The following SGCD variants were observed in gnomAD, a reference collection of about 807,000 sequenced individuals.
SGCD encodes sarcoglycan delta.
SGCD carries 18 observed loss-of-function variants against 36.6 expected under a neutral mutation model. That is an observed-to-expected ratio of 0.49 (90% CI 0.34 to 0.73). SGCD has a LOEUF of 0.73. Among genes scored for constraint, SGCD ranks in the 30% least tolerant of loss-of-function variants. The pLI is 0.01. For synonymous variants in SGCD, 133 were observed against 130.6 expected, an observed-to-expected ratio of 1.02 and a Z score of -0.12; for missense variants, 387 against 346.7, an observed-to-expected ratio of 1.12 and a Z score of -0.92.
chr5:155,952,832 G>C (rs1253788007), intron 1 of SGCD, among the ~76,000 whole-genome samples: 2 of 152,186 alleles, frequency 1.3e-5, no homozygotes, highest in Non-Finnish European at 2.9e-5. Context: ...AAAGTGTAAT[G>C]AAATGTGCCC....
chr5:156,298,483 A>C (rs1766959697), intron 3 of SGCD, among the ~76,000 whole-genome samples: 1 of 151,162 alleles, frequency 6.6e-6, no homozygotes. Flanking sequence ...ATGATATTTC[A>C]TTGTAGTTTT....
At position 156,097,954 on chromosome 5, in the gene SGCD, G is replaced by T. The variant is rs1214960326; in HGVS notation, c.-281-19924G>T. On this transcript the variant is annotated intron_variant, in intron 1 of 9. Transcript: ENST00000517913. ...TTGTGGTGTTATTTTGGCATGCTTGGTTTATTAGGTGCCATCGGAATTCTC... is the reference window on the plus strand; with the variant it reads ...TTGTGGTGTTATTTTGGCATGCTTGTTTTATTAGGTGCCATCGGAATTCTC... Among the ~76,000 whole-genome samples, 3 of 152,130 alleles carry T rather than the reference G, an allele frequency of 2.0e-5. No individual in the cohort carries two copies. The East Asian group carries it at 5.8e-4, about 29-fold the overall frequency.
In SGCD at chr5:156,223,257, G is replaced by A. The variant is rs1335552810; in HGVS notation, c.-44+99238G>A. Among the ~76,000 whole-genome samples the A allele has an allele frequency of 2.6e-5, 4 of 152,164 alleles. No homozygotes were observed. In the East Asian group the frequency reaches 7.7e-4, roughly 29 times the overall value. ...TGACACAAGATTGTGGAAACTCAGG[G>A]CCTGTTGGATAGACTGACTCTGAAG... is the stretch of plus-strand genomic sequence containing the variant. On this transcript the variant is annotated intron_variant, in intron 3 of 9. Transcript: ENST00000517913.
At chr5:156,164,890 A>G (rs1271413000) in intron 3 of SGCD, among the ~76,000 whole-genome samples, 1 of 152,196 alleles carries the variant, frequency 6.6e-6, no homozygotes, top group Admixed American at 6.5e-5. Context: ...AAATTTATAA[A>G]TAATTGGGAA....
chr5:156,619,023 CTT>C (rs536840593), intron 6 of SGCD, among the ~76,000 whole-genome samples: 14 of 141,386 alleles, frequency 9.9e-5, no homozygotes, highest in South Asian at 2.3e-4. Context: ...GAGCCAATTC[CTT>C]TTTTTTTTTT....
intron 3 of SGCD, among the ~76,000 whole-genome samples, chr5:156,198,352 T>G (rs1481378549): frequency 1.3e-5 from 2 of 152,102 alleles, no homozygotes; most frequent in Non-Finnish European, 2.9e-5. Context: ...GTGTTTTCCT[T>G]TCATTTAGTA....
At chr5:156,690,062 C>A (rs1754052748) in intron 7 of SGCD, among the ~76,000 whole-genome samples, 1 of 152,152 alleles carries the variant, frequency 6.6e-6, no homozygotes, top group East Asian at 1.9e-4. Context: ...GCTATTTAAA[C>A]ACATATTTAA....
chr5:156,564,375 G>A (rs1423897922), intron 4 of SGCD, among the ~76,000 whole-genome samples: 2 of 152,116 alleles, frequency 1.3e-5, no homozygotes, highest in East Asian at 1.9e-4. Flanking sequence ...GCATGAACCC[G>A]GGAGGCGGAG....
chr5:155,794,247 G>C, the SGCD span, among the ~76,000 whole-genome samples: 1 of 152,114 alleles, frequency 6.6e-6, no homozygotes, highest in Non-Finnish European at 1.5e-5. Context: ...AATCTGACCA[G>C]AGGAAGATAA....
the SGCD span, among the ~76,000 whole-genome samples, chr5:155,755,502 A>G: frequency 6.6e-6 from 1 of 152,214 alleles, no homozygotes. Flanking sequence ...TGTAAATCAG[A>G]ATATTACCCA....
chr5:156,153,642 C>A (rs1762879760), intron 3 of SGCD, among the ~76,000 whole-genome samples: 1 of 151,546 alleles, frequency 6.6e-6, no homozygotes, highest in Non-Finnish European at 1.5e-5. Flanking sequence ...TTTAATTATG[C>A]CTCCATTAGT....
the SGCD span, among the ~76,000 whole-genome samples, chr5:155,791,440 G>C: frequency 2.6e-5 from 4 of 152,160 alleles, no homozygotes; most frequent in South Asian, 8.3e-4. Context: ...AGAAATAAAA[G>C]GCATCCAAGT....
intron 3 of SGCD, among the ~76,000 whole-genome samples, chr5:156,287,529 G>A (rs1408739483): frequency 6.6e-6 from 1 of 152,054 alleles, no homozygotes; most frequent in African/African-American, 2.4e-5. Context: ...TAGGTGGTAG[G>A]TCAGAGTGAC....
At chr5:156,620,108 G>A (rs991482047) in intron 6 of SGCD, among the ~76,000 whole-genome samples, 3 of 152,120 alleles carry the variant, frequency 2.0e-5, no homozygotes, top group Non-Finnish European at 4.4e-5. Flanking sequence ...AAACTGCCTG[G>A]GTTGAACTCC....
In SGCD at chr5:155,939,246, G is replaced by A. The variant is rs1757275503; in HGVS notation, c.-282+68822G>A. On this transcript the variant is annotated intron_variant, in intron 1 of 9. Coordinates refer to the SGCD transcript ENST00000517913. Reference sequence around the variant, plus strand: ...ACAAATGATAAGTATGTGAGGTAATGACTATGTTAATCAGCTCCATGGTGC... The same window carrying A: ...ACAAATGATAAGTATGTGAGGTAATAACTATGTTAATCAGCTCCATGGTGC... Among the ~76,000 whole-genome samples, 3 of 152,290 alleles carry A rather than the reference G, an allele frequency of 2.0e-5. No individual in the cohort carries two copies. In the South Asian group the frequency reaches 6.2e-4, roughly 32 times the overall value.
At chr5:156,100,057 C>G (rs1761483923) in intron 1 of SGCD, among the ~76,000 whole-genome samples, 1 of 151,786 alleles carries the variant, frequency 6.6e-6, no homozygotes, top group Admixed American at 6.6e-5. Flanking sequence ...TCATTAGACC[C>G]CTATTGAGGC....
chr5:155,906,214 G>T (rs1198513647), intron 1 of SGCD, among the ~76,000 whole-genome samples: 2 of 152,072 alleles, frequency 1.3e-5, no homozygotes, highest in African/African-American at 2.4e-5. Context: ...GATGAATGTT[G>T]TATGTGTTCT....
In SGCD at chr5:156,540,427, T is replaced by C. The variant is rs138281150; in HGVS notation, c.294+31725T>C. ...TTTTCTTTTCTTTTCTCCATATTTA[T>C]ATCTGTGGCAATGCTGGGAACTAAC... On this transcript the variant is annotated intron_variant, in intron 4 of 8. Transcript: ENST00000337851. 2.2e-3 allele frequency among the ~76,000 whole-genome samples: 337 copies of C among 152,254 alleles called. 1 individual carries two copies. The highest frequency in any genetic ancestry group is 7.7e-3 in the African/African-American group (318 of 41,564).
At chr5:155,769,671 C>G in the SGCD span, among the ~76,000 whole-genome samples, 1 of 152,184 alleles carries the variant, frequency 6.6e-6, no homozygotes, top group Admixed American at 6.5e-5. Flanking sequence ...TACTTGCATT[C>G]TACATCCAAC....
Sources: allele counts gnomAD v4.1 joint callset (sites outside exome capture counted in the v4.1 genomes callset), GRCh38; gene constraint gnomAD v4.1.1; transcripts MANE v1.5; gene names NCBI Gene and HGNC (gene_info 2026-07-23, HGNC 2026-07-21).